SUPT3H: variants seen among roughly 807,000 people sequenced by gnomAD.
SUPT3H encodes SPT3 homolog, SAGA and STAGA complex component.
Under a neutral mutation model 44.3 loss-of-function variants are expected in SUPT3H, and 44 were observed. The ratio of observed to expected loss-of-function variants is 0.99; its 90% CI spans 0.78 to 1.28. The LOEUF (loss-of-function observed/expected upper bound fraction) is 1.28, where lower values mean the gene tolerates loss of function less well. Among genes scored for constraint, SUPT3H ranks in the 50% most tolerant of loss-of-function variants. The probability of loss-of-function intolerance (pLI) is 0.00; values close to 1 mark genes in which losing one functional copy is unlikely to be tolerated. For synonymous variants in SUPT3H, 124 were observed against 125.6 expected, an observed-to-expected ratio of 0.99 and a Z score of 0.09; for missense variants, 380 against 387.1, an observed-to-expected ratio of 0.98 and a Z score of 0.15.
At chr6:45,031,135 C>A (rs889168669) in intron 3 of SUPT3H, among the ~76,000 whole-genome samples, 1 of 151,942 alleles carries the variant, frequency 6.6e-6, no homozygotes, top group African/African-American at 2.4e-5. Context: ...GCTAGCCTGA[C>A]GTAAATGTTA....
chr6:45,107,523 T>C (rs1799448479), intron 2 of SUPT3H, among the ~76,000 whole-genome samples: 1 of 152,142 alleles, frequency 6.6e-6, no homozygotes, highest in Non-Finnish European at 1.5e-5. Context: ...GAAAAAAATC[T>C]TCCCTAAGAA....
chr6:45,284,096 G>T (rs948381843), intron 2 of SUPT3H, among the ~76,000 whole-genome samples: 1 of 152,164 alleles, frequency 6.6e-6, no homozygotes, highest in African/African-American at 2.4e-5. Context: ...TCAAAGCAGT[G>T]TGTAGAGGGA....
chr6:45,048,221 C>CTTTTTTTTTTTTTTTTTTT (rs67557043), intron 3 of SUPT3H, among the ~76,000 whole-genome samples: 1 of 88,196 alleles, frequency 1.1e-5, no homozygotes, highest in Non-Finnish European at 2.1e-5. Flanking sequence ...TCTCTCTACT[C>CTTTTTTTTTTTTTTTTTTT]TTTTTTTTTT....
chr6:45,296,873 G>A (rs1267612573), intron 2 of SUPT3H, among the ~76,000 whole-genome samples: 1 of 131,838 alleles, frequency 7.6e-6, no homozygotes, highest in Non-Finnish European at 1.6e-5. Flanking sequence ...GTGCCCCGTG[G>A]AGATCATGCC....
intron 2 of SUPT3H, among the ~76,000 whole-genome samples, chr6:45,238,605 C>T (rs567763945): frequency 6.0e-4 from 91 of 152,232 alleles, no homozygotes; most frequent in Middle Eastern, 3.4e-3. Flanking sequence ...CTAATTTTTC[C>T]GACTCAGCAT....
chr6:45,202,533 C>T (rs1351046400), intron 2 of SUPT3H, among the ~76,000 whole-genome samples: 3 of 151,904 alleles, frequency 2.0e-5, no homozygotes. Flanking sequence ...TGCTTTTACC[C>T]AATGATCTTT....
chr6:45,170,341 A>G (rs1008501160), intron 2 of SUPT3H, among the ~76,000 whole-genome samples: 87 of 152,142 alleles, frequency 5.7e-4, no homozygotes, highest in African/African-American at 1.8e-3. Flanking sequence ...TGTTTCCTCA[A>G]TTTTTTCTGG....
intron 3 of SUPT3H, among the ~76,000 whole-genome samples, chr6:45,067,362 A>T (rs1417457378): frequency 1.6e-5 from 2 of 126,810 alleles, no homozygotes; most frequent in African/African-American, 5.4e-5. Context: ...TAAAAACCCT[A>T]GAAGAAAACC....
intron 3 of SUPT3H, among the ~76,000 whole-genome samples, chr6:45,024,166 C>A (rs924674060): frequency 3.9e-5 from 6 of 152,102 alleles, no homozygotes; most frequent in African/African-American, 1.4e-4. Flanking sequence ...TAGGAAAAAA[C>A]TCCCTAAAAT....
chr6:45,361,854 C>G (rs1431673885), intron 2 of SUPT3H, among the ~76,000 whole-genome samples: 2 of 152,104 alleles, frequency 1.3e-5, no homozygotes, highest in Non-Finnish European at 2.9e-5. Flanking sequence ...AGTTTGAGAC[C>G]AGCCTGGCCA....
chr6:44,921,070 T>G (rs1768638436), intron 10 of SUPT3H, among the ~76,000 whole-genome samples: 1 of 152,186 alleles, frequency 6.6e-6, no homozygotes. Context: ...TTTATTCACC[T>G]CCTTTGCTAT....
intron 2 of SUPT3H, among the ~76,000 whole-genome samples, chr6:45,329,956 A>C (rs1787120348): frequency 6.6e-6 from 1 of 152,002 alleles, no homozygotes; most frequent in East Asian, 1.9e-4. Context: ...CTTTTAACTT[A>C]CAACTAATGA....
chr6:45,355,960 T>C (rs991435863), intron 2 of SUPT3H, among the ~76,000 whole-genome samples: 2 of 151,976 alleles, frequency 1.3e-5, no homozygotes, highest in Non-Finnish European at 2.9e-5. Flanking sequence ...AATACAGGAA[T>C]AGAGAGAAAG....
intron 2 of SUPT3H, among the ~76,000 whole-genome samples, chr6:45,195,509 G>A (rs1261558762): frequency 1.3e-5 from 2 of 152,076 alleles, no homozygotes; most frequent in Non-Finnish European, 2.9e-5. Flanking sequence ...GCAAAGCACT[G>A]GGAAGATGTA....
At chr6:44,928,839 C>T (rs1479470099) in intron 10 of SUPT3H, among the ~76,000 whole-genome samples, 13 of 135,324 alleles carry the variant, frequency 9.6e-5, no homozygotes, top group Admixed American at 7.9e-5. Context: ...GCGGAGATCG[C>T]GCCACAGCAC....
At chr6:45,349,340 C>A (rs1380775378) in intron 2 of SUPT3H, among the ~76,000 whole-genome samples, 3 of 152,166 alleles carry the variant, frequency 2.0e-5, no homozygotes, top group Non-Finnish European at 2.9e-5. Context: ...AGTTTACCTG[C>A]TGAGTTTTCT....
chr6:44,892,999 T>C (rs952749227), intron 10 of SUPT3H, among the ~76,000 whole-genome samples: 6 of 152,156 alleles, frequency 3.9e-5, no homozygotes, highest in South Asian at 4.1e-4. Context: ...AAGAAGTCTT[T>C]TGAACAAATA....
chr6:44,963,190 G>A (rs190665533), intron 6 of SUPT3H, among the ~76,000 whole-genome samples: 306 of 151,760 alleles, frequency 2.0e-3, no homozygotes, highest in African/African-American at 6.6e-3. Context: ...ACATCTTCTT[G>A]TGCATGTGTC....
At chr6:45,323,870 A>G (rs1383627587) in intron 2 of SUPT3H, among the ~76,000 whole-genome samples, 1 of 152,106 alleles carries the variant, frequency 6.6e-6, no homozygotes, top group Non-Finnish European at 1.5e-5. Flanking sequence ...AGTTTCATTT[A>G]CTATATTCTC....
Sources: allele counts gnomAD v4.1 joint callset (sites outside exome capture counted in the v4.1 genomes callset), GRCh38; gene constraint gnomAD v4.1.1; transcripts MANE v1.5; gene names NCBI Gene and HGNC (gene_info 2026-07-23, HGNC 2026-07-21).